BLOC1S5: variants seen among roughly 807,000 people sequenced by gnomAD.
BLOC1S5 encodes biogenesis of lysosome-related organelles complex 1 subunit 5.
A neutral mutation model predicts 24.3 loss-of-function variants in BLOC1S5; 27 were observed. The ratio of observed to expected loss-of-function variants is 1.11; its 90% CI spans 0.82 to 1.53. The LOEUF is 1.53. Among genes scored for constraint, BLOC1S5 ranks in the 40% most tolerant of loss-of-function variants. The pLI, the probability that BLOC1S5 is intolerant of heterozygous loss-of-function variation, is 0.00. For synonymous variants in BLOC1S5, 84 were observed against 74.5 expected, an observed-to-expected ratio of 1.13 and a Z score of -0.66; for missense variants, 239 against 229.4, an observed-to-expected ratio of 1.04 and a Z score of -0.27.
chr6:8,051,574 T>C (rs1764106361), intron 2 of BLOC1S5, among the ~76,000 whole-genome samples: 1 of 152,260 alleles, frequency 6.6e-6, no homozygotes, highest in Non-Finnish European at 1.5e-5. Context: ...TGCCTGCTAT[T>C]AGCAGAAAAC....
intron 2 of BLOC1S5, among the ~76,000 whole-genome samples, chr6:8,055,186 C>T (rs998351604): frequency 6.6e-6 from 1 of 152,212 alleles, no homozygotes; most frequent in African/African-American, 2.4e-5. Flanking sequence ...AATCCCAGCA[C>T]TTTGGGAAGC....
At chr6:8,047,327 C>G (rs1763941614) in intron 2 of BLOC1S5, among the ~76,000 whole-genome samples, 1 of 151,994 alleles carries the variant, frequency 6.6e-6, no homozygotes, top group Non-Finnish European at 1.5e-5. Flanking sequence ...CCTACCTCAG[C>G]CTTCCAAGTA....
chr6:8,060,731 CTA>C (rs1764481970), intron 2 of BLOC1S5, among the ~76,000 whole-genome samples: 1 of 152,190 alleles, frequency 6.6e-6, no homozygotes. Flanking sequence ...AATCCACACT[CTA>C]TACATGTAAA....
intron 4 of BLOC1S5, among the ~76,000 whole-genome samples, chr6:8,024,064 C>T (rs544094097): frequency 1.4e-4 from 21 of 152,200 alleles, no homozygotes; most frequent in African/African-American, 4.6e-4. Flanking sequence ...AAATTATCTT[C>T]AGAAAAGAAA....
intron 1 of BLOC1S5, among the ~76,000 whole-genome samples, chr6:8,063,388 C>A (rs183647286): frequency 2.6e-4 from 39 of 152,190 alleles, no homozygotes; most frequent in African/African-American, 8.7e-4. Flanking sequence ...GTTTATTATT[C>A]TTCTTAGTTA....
At chr6:8,049,350 G>T (rs1764025227) in intron 2 of BLOC1S5, among the ~76,000 whole-genome samples, 1 of 147,952 alleles carries the variant, frequency 6.8e-6, no homozygotes, top group Admixed American at 6.8e-5. Flanking sequence ...CAGCCTGGGG[G>T]ACAAGAGCAA....
chr6:8,044,791 G>C (rs942179541), intron 2 of BLOC1S5, among the ~76,000 whole-genome samples: 2 of 152,204 alleles, frequency 1.3e-5, no homozygotes, highest in Non-Finnish European at 2.9e-5. Flanking sequence ...AGATCATTGA[G>C]AGTATCTGGT....
At chr6:8,025,825 A>T (rs774746017) in intron 4 of BLOC1S5, among the ~76,000 whole-genome samples, 1 of 152,234 alleles carries the variant, frequency 6.6e-6, no homozygotes, top group Non-Finnish European at 1.5e-5. Context: ...AAAACACTTT[A>T]TGAAAATTGC....
At chr6:8,051,294 C>T (rs933890795) in intron 2 of BLOC1S5, among the ~76,000 whole-genome samples, 1 of 152,248 alleles carries the variant, frequency 6.6e-6, no homozygotes, top group African/African-American at 2.4e-5. Context: ...ATGAAACCAG[C>T]CACAACATTT....
intron 3 of BLOC1S5, among the ~76,000 whole-genome samples, chr6:8,029,870 C>G (rs1437360286): frequency 6.6e-6 from 1 of 152,234 alleles, no homozygotes; most frequent in African/African-American, 2.4e-5. Context: ...AATACAAAGA[C>G]TCTCTAAGCA....
At chr6:8,056,980 G>A (rs1206262970) in intron 2 of BLOC1S5, among the ~76,000 whole-genome samples, 2 of 152,164 alleles carry the variant, frequency 1.3e-5, no homozygotes, top group Non-Finnish European at 2.9e-5. Flanking sequence ...ACTTTGGGAG[G>A]CCGAGGCAGT....
At chr6:8,058,427 G>C (rs2113606073) in intron 2 of BLOC1S5, among the ~76,000 whole-genome samples, 1 of 138,520 alleles carries the variant, frequency 7.2e-6, no homozygotes, top group African/African-American at 2.6e-5. Context: ...GAAGAATCAA[G>C]AGAGAGTAGT....
chr6:8,042,655 A>G (rs1763735308), intron 2 of BLOC1S5, among the ~76,000 whole-genome samples: 1 of 152,126 alleles, frequency 6.6e-6, no homozygotes. Flanking sequence ...TTTTTAGCTC[A>G]TCAGCTATTG....
chr6:8,032,431 T>C (rs6926444), intron 3 of BLOC1S5, among the ~76,000 whole-genome samples: 5,944 of 152,160 alleles, frequency 0.039, 365 homozygotes, highest in African/African-American at 0.13. Context: ...CCTGCAAGAA[T>C]GGCCATAATT....
In BLOC1S5 at chr6:8,051,969, C is replaced by CTTT. The variant is rs770301308; in HGVS notation, c.195+10562_195+10564dup. Among the ~76,000 whole-genome samples, 118 of 110,014 alleles carry CTTT rather than the reference C, an allele frequency of 1.1e-3. 2 individuals carry two copies. Among genetic ancestry groups the CTTT allele is most frequent in the East Asian group, 3.9e-3 (13 of 3,306 alleles). 72.2% of individuals were successfully genotyped at this position (110,014 alleles called of 152,430 possible). ...ATGTCTGCTGATAGAACATCCATGC[C>CTTT]TTTTTTTTTTTTTTTTTTTTTGAGA... is the stretch of plus-strand genomic sequence containing the variant. On this transcript the variant is annotated intron_variant, in intron 2 of 4. Coordinates refer to ENST00000397457, the MANE Select transcript of BLOC1S5 (RefSeq NM_201280.3).
intron 3 of BLOC1S5, among the ~76,000 whole-genome samples, chr6:8,033,433 A>C (rs998412295): frequency 1.3e-5 from 2 of 152,254 alleles, no homozygotes; most frequent in Non-Finnish European, 2.9e-5. Flanking sequence ...ATATGTAGGA[A>C]GCTGAAACTG....
intron 4 of BLOC1S5, among the ~76,000 whole-genome samples, chr6:8,020,629 G>A (rs1260144976): frequency 2.0e-5 from 3 of 152,346 alleles, no homozygotes; most frequent in Admixed American, 2.0e-4. Context: ...ACTTCTGAGT[G>A]AGGCTGCCCA....
At chr6:8,039,434 G>T (rs13206548) in intron 3 of BLOC1S5, among the ~76,000 whole-genome samples, 18,949 of 152,132 alleles carry the variant, frequency 0.12, 1,494 homozygotes, top group South Asian at 0.28. Flanking sequence ...ATAGCTAGAA[G>T]AGAATAATTT....
intron 2 of BLOC1S5, among the ~76,000 whole-genome samples, chr6:8,045,038 G>A (rs1388022482): frequency 6.6e-6 from 1 of 152,222 alleles, no homozygotes; most frequent in East Asian, 1.9e-4. Flanking sequence ...TCCAGAGCAT[G>A]TCAGAGGTCT....
Sources: allele counts gnomAD v4.1 joint callset (sites outside exome capture counted in the v4.1 genomes callset), GRCh38; gene constraint gnomAD v4.1.1; transcripts MANE v1.5; gene names NCBI Gene and HGNC (gene_info 2026-07-23, HGNC 2026-07-21).